Variants in CFAP92 observed in about 807,000 individuals in gnomAD.
CFAP92 encodes the protein cilia and flagella associated protein 92 (putative), also known as uncharacterized protein CFAP92.
CFAP92 carries 86 observed loss-of-function variants against 106.3 expected under a neutral mutation model. That is an observed-to-expected ratio of 0.81 (90% confidence interval 0.68 to 0.97). The LOEUF is 0.97. CFAP92 is among the 50% of genes least tolerant of loss of function. The probability of loss-of-function intolerance (pLI) is 0.00; values close to 1 mark genes in which losing one functional copy is unlikely to be tolerated. For missense variants in CFAP92, 1,204 were observed against 1,283.8 expected (o/e 0.94, Z 0.95); for synonymous variants, 477 against 506.4 (o/e 0.94, Z 0.78).
intron 13 of CFAP92, 136 bp from the exon 14 acceptor site, chr3:128,915,699 CTG>C (rs1936756989): frequency 3.1e-6 from 2 of 650,008 alleles, no homozygotes; most frequent in Non-Finnish European, 5.2e-6. Flanking sequence ...GAGGAAATGA[CTG>C]TGCAGTAGCC....
the CFAP92 span, among the ~76,000 whole-genome samples, chr3:129,022,522 G>A: frequency 8.5e-5 from 13 of 152,172 alleles, no homozygotes; most frequent in African/African-American, 2.7e-4. Flanking sequence ...CTGGGCTGGC[G>A]GCCAGATGTG....
At chr3:128,943,300 A>G (rs1273609419) in intron 10 of CFAP92, among the ~76,000 whole-genome samples, 11 of 152,174 alleles carry the variant, frequency 7.2e-5, no homozygotes. Flanking sequence ...ATCTAGTTCT[A>G]GAACATCCTC....
At chr3:128,933,594 C>T (rs1018497407) in intron 11 of CFAP92, among the ~76,000 whole-genome samples, 3 of 152,256 alleles carry the variant, frequency 2.0e-5, no homozygotes, top group African/African-American at 7.2e-5. Flanking sequence ...CCTGCCTTTG[C>T]ACTCACTGTC....
At position 128,945,557 on chromosome 3, in the gene CFAP92, A is replaced by T. The variant is rs1345453214; in HGVS notation, c.1772T>A (p.Val591Asp). The change falls in exon 10 of 16, where the codon GTT becomes GAT. Residue 591 changes from valine to aspartate, a missense_variant. Coordinates refer to ENST00000645291, the MANE Select transcript of CFAP92 (RefSeq NM_001394090.1). ...GTCCTGGCCGCAGTGTGTGGGCTGA[A>T]CCTCACAGCTGTGGATGGGGACGGC... ...NLAVPIHSCE[V>D]QPTHCGQDSR... The T allele has an allele frequency of 2.6e-6, 4 of 1,536,132 alleles. No individual in the cohort carries two copies. The highest frequency in any genetic ancestry group is 3.5e-6 in the Non-Finnish European group (4 of 1,146,914).
chr3:128,994,143 T>C (rs1369289808), upstream of CFAP92: 1 of 985,572 alleles, frequency 1.0e-6, no homozygotes, highest in Non-Finnish European at 1.2e-6. Context: ...TGGCGGTTGC[T>C]AGGAGACGCG....
chr3:128,975,935 AGGTG>A, intron 6 of CFAP92, 32 bp from the exon 7 acceptor site: 1 of 1,577,298 alleles, frequency 6.3e-7, no homozygotes, highest in African/African-American at 1.4e-5. Context: ...AAATTAATGA[AGGTG>A]AAAAAAATCA....
chr3:129,021,505 C>T, the CFAP92 span, among the ~76,000 whole-genome samples: 490 of 152,152 alleles, frequency 3.2e-3, no homozygotes, highest in African/African-American at 0.011. Flanking sequence ...ACCCGGGAGG[C>T]GGAGGTTGTG....
chr3:128,993,072 G>A lies in CFAP92; in HGVS notation c.233C>T (p.Thr78Ile). ...DVPHVVPCKFTISLAFPVNMG... is the reference protein window; with the variant it reads ...DVPHVVPCKFIISLAFPVNMG... ...ATTCACAGGGAAGGCCAGTGAGATG[G>A]TGAATTTGCAGGGGACCACGTGGGG... The change falls in exon 2 of 16, where the codon ACC (threonine) becomes ATC (isoleucine). Residue 78 changes from threonine (T) to isoleucine (I), a missense_variant. Physicochemically the swap from Thr to Ile is moderately conservative, Grantham distance 89. Transcript: ENST00000645291. 1 of 1,614,104 alleles carries A rather than the reference G, an allele frequency of 6.2e-7. No homozygotes were observed.
chr3:128,968,240 GC>G (rs1383918589), intron 8 of CFAP92: 1 of 152,126 alleles, frequency 6.6e-6, no homozygotes, highest in African/African-American at 2.4e-5. Flanking sequence ...GCTAAGTGGG[GC>G]CCCTCCGCTA....
At chr3:129,018,839 CAT>C in the CFAP92 span, among the ~76,000 whole-genome samples, 8 of 152,222 alleles carry the variant, frequency 5.3e-5, no homozygotes, top group Non-Finnish European at 1.0e-4. Flanking sequence ...CGTTGTGGCA[CAT>C]GTCTCACTGT....
intron 14 of CFAP92, 37 bp from the exon 15 acceptor site, chr3:128,915,312 G>A: frequency 6.5e-7 from 1 of 1,535,906 alleles, no homozygotes; most frequent in Non-Finnish European, 8.7e-7. Context: ...GAGGAGAAAG[G>A]TCCCTATGGA....
the CFAP92 span, among the ~76,000 whole-genome samples, chr3:129,021,202 C>T: frequency 1.4e-4 from 22 of 152,304 alleles, no homozygotes; most frequent in African/African-American, 4.1e-4. Flanking sequence ...ATTTATGCTG[C>T]GCAAACCTCA....
intron 9 of CFAP92, among the ~76,000 whole-genome samples, chr3:128,953,530 AAG>A (rs965991070): frequency 1.3e-5 from 2 of 149,100 alleles, no homozygotes; most frequent in Non-Finnish European, 2.9e-5. Flanking sequence ...AATAAAAAGA[AAG>A]AGGGATAATC....
intron 12 of CFAP92, among the ~76,000 whole-genome samples, chr3:128,922,171 C>T (rs1278398036): frequency 6.6e-6 from 1 of 151,002 alleles, no homozygotes; most frequent in African/African-American, 2.5e-5. Flanking sequence ...AACCCCGTCT[C>T]TACTAAAAAT....
upstream of CFAP92, chr3:129,003,440 C>T: frequency 3.4e-6 from 1 of 290,274 alleles, no homozygotes; most frequent in South Asian, 1.4e-4. Context: ...AGATGAGGAA[C>T]CGCCACCCGG....
chr3:128,957,840 G>A (rs1180634293), intron 9 of CFAP92, among the ~76,000 whole-genome samples: 6 of 152,078 alleles, frequency 3.9e-5, no homozygotes, highest in Non-Finnish European at 7.3e-5. Context: ...ACTGGGGGGG[G>A]GCTTAAAATG....
intron 12 of CFAP92, among the ~76,000 whole-genome samples, chr3:128,928,998 C>T (rs921513292): frequency 6.6e-6 from 1 of 152,204 alleles, no homozygotes; most frequent in African/African-American, 2.4e-5. Flanking sequence ...TGACTCATAA[C>T]TGTAATCCCA....
intron 10 of CFAP92, among the ~76,000 whole-genome samples, chr3:128,942,838 C>A (rs143624244): frequency 5.3e-5 from 8 of 151,276 alleles, no homozygotes; most frequent in African/African-American, 1.9e-4. Context: ...CCTGCCACCA[C>A]GCCTGGCTAA....
intron 12 of CFAP92, among the ~76,000 whole-genome samples, chr3:128,925,739 C>G (rs1484388312): frequency 6.6e-6 from 1 of 151,992 alleles, no homozygotes; most frequent in Non-Finnish European, 1.5e-5. Context: ...CAAAGAAAAA[C>G]ACACCTACAA....
Sources: allele counts gnomAD v4.1 joint callset (sites outside exome capture counted in the v4.1 genomes callset), GRCh38; gene constraint gnomAD v4.1.1; transcripts MANE v1.5; gene names NCBI Gene and HGNC (gene_info 2026-07-23, HGNC 2026-07-21).